The following TAAR1 variants were observed in gnomAD, a reference collection of about 807,000 sequenced individuals.
TAAR1 encodes the protein trace amine-associated receptor 1.
Under a neutral mutation model 1.2 loss-of-function variants are expected in TAAR1, and 1 was observed. That is an observed-to-expected ratio of 0.81 (90% CI 0.29 to 3.86). The LOEUF (loss-of-function observed/expected upper bound fraction) is 3.86. Ranked by LOEUF, TAAR1 falls within the 30% of genes most tolerant of loss-of-function variation. The pLI, the probability that TAAR1 is intolerant of heterozygous loss-of-function variation, is 0.18. For synonymous variants in TAAR1, 153 were observed against 132.2 expected, an observed-to-expected ratio of 1.16 and a Z score of -1.08; for missense variants, 445 against 405.6, an observed-to-expected ratio of 1.10 and a Z score of -0.83.
chr6:132,656,151 C>T (rs1449264227), intron 1 of TAAR1, among the ~76,000 whole-genome samples: 1 of 152,016 alleles, frequency 6.6e-6, no homozygotes, highest in Non-Finnish European at 1.5e-5. Context: ...GCAGTTTCCT[C>T]ATGTGAAAAA....
chr6:132,646,853 T>G (rs1457695600), intron 1 of TAAR1, among the ~76,000 whole-genome samples: 2 of 152,160 alleles, frequency 1.3e-5, no homozygotes, highest in Non-Finnish European at 2.9e-5. Flanking sequence ...CAATTACTAG[T>G]TCAGTTTCTT....
chr6:132,654,448 G>A (rs1422559925), intron 1 of TAAR1, among the ~76,000 whole-genome samples: 1 of 152,046 alleles, frequency 6.6e-6, no homozygotes, highest in Non-Finnish European at 1.5e-5. Flanking sequence ...AGTGTAGTTT[G>A]GTCTCTTCCT....
chr6:132,657,182 G>A (rs1203274034), intron 1 of TAAR1, among the ~76,000 whole-genome samples: 1 of 152,136 alleles, frequency 6.6e-6, no homozygotes, highest in Non-Finnish European at 1.5e-5. Context: ...TATCAGGGGT[G>A]CTGAGGGGCT....
chr6:132,645,320 A>T lies in TAAR1; in HGVS notation c.684T>A (p.Asn228Lys). ...KEQARLISDA[N>K]QKLQIGLEMK... ...TTTCCAATCCAATTTGGAGCTTCTG[A>T]TTGGCATCACTAATTAATCTTGCCT... The change falls in exon 2 of 2, where the codon AAT becomes AAA. Residue 228 changes from asparagine to lysine, a missense_variant. Coordinates refer to ENST00000275216, the MANE Select transcript of TAAR1 (RefSeq NM_138327.4). The T allele has an allele frequency of 6.2e-7, 1 of 1,613,576 alleles. No homozygotes were observed. The highest frequency in any genetic ancestry group is 8.5e-7 in the Non-Finnish European group (1 of 1,179,782).
chr6:132,652,652 C>T (rs1028047780), intron 1 of TAAR1, among the ~76,000 whole-genome samples: 9 of 146,058 alleles, frequency 6.2e-5, no homozygotes, highest in Non-Finnish European at 6.0e-5. Flanking sequence ...CAGAGACATA[C>T]GAGATAAAAG....
At chr6:132,648,332 C>T (rs1175628546) in intron 1 of TAAR1, among the ~76,000 whole-genome samples, 1 of 152,096 alleles carries the variant, frequency 6.6e-6, no homozygotes, top group Non-Finnish European at 1.5e-5. Context: ...TTCCTGATGT[C>T]ATATTGAGTA....
chr6:132,648,365 G>C (rs770820839), intron 1 of TAAR1, among the ~76,000 whole-genome samples: 1 of 152,240 alleles, frequency 6.6e-6, no homozygotes, highest in African/African-American at 2.4e-5. Context: ...AGGAACTAGG[G>C]TTCAAAAAGA....
chr6:132,649,719 C>A (rs1777729903), intron 1 of TAAR1, among the ~76,000 whole-genome samples: 1 of 152,152 alleles, frequency 6.6e-6, no homozygotes, highest in African/African-American at 2.4e-5. Flanking sequence ...AGAACTCACT[C>A]ACTATCATGA....
At chr6:132,655,587 A>G (rs567371228) in intron 1 of TAAR1, among the ~76,000 whole-genome samples, 2 of 152,206 alleles carry the variant, frequency 1.3e-5, no homozygotes, top group African/African-American at 2.4e-5. Context: ...GGCTCCAAGC[A>G]ATCCTCCTGG....
Position 132,645,267 on chromosome 6 carries a change from T to G in TAAR1, c.737A>C (p.Glu246Ala). ...EMKNGISQSKERKAVKTLGIV... is the reference protein window; with the variant it reads ...EMKNGISQSKARKAVKTLGIV... Reference sequence around the variant, plus strand: ...CCCCAATGTCTTCACAGCTTTCCTTTCTTTGCTTTGTGAAATTCCATTTTT... The same window carrying G: ...CCCCAATGTCTTCACAGCTTTCCTTGCTTTGCTTTGTGAAATTCCATTTTT... The change falls in exon 2 of 2, where the codon GAA (glutamate) becomes GCA (alanine). Residue 246 changes from glutamate (E) to alanine (A), a missense_variant. Glu to Ala is a moderately radical substitution (Grantham distance 107). Transcript: ENST00000275216. The G allele has an allele frequency of 1.2e-6, 2 of 1,613,546 alleles. No individual in the cohort carries two copies. The highest frequency in any genetic ancestry group is 1.7e-6 in the Non-Finnish European group (2 of 1,179,594).
In TAAR1 at chr6:132,645,603, T is replaced by C; in HGVS notation, c.401A>G (p.Lys134Arg). The change falls in exon 2 of 2, where the codon AAG becomes AGG. Residue 134 changes from lysine to arginine, a missense_variant. Physicochemically the swap from Lys to Arg is conservative, Grantham distance 26 (BLOSUM62 2). Transcript: ENST00000275216. ...AVCDPLRYKA[K>R]MNILVICVMI... ...CACACAAATAACCAAGATATTCATC[T>C]TGGCTTTATATCTCAGTGGATCACA... 1 of 1,613,724 alleles carries C rather than the reference T, an allele frequency of 6.2e-7. No homozygotes were observed. The highest frequency in any genetic ancestry group is 8.5e-7 in the Non-Finnish European group (1 of 1,179,844).
At chr6:132,646,960 T>A (rs2114274095) in intron 1 of TAAR1, among the ~76,000 whole-genome samples, 1 of 152,244 alleles carries the variant, frequency 6.6e-6, no homozygotes, top group East Asian at 1.9e-4. Flanking sequence ...GAATTTATGA[T>A]GTCTTAAATA....
intron 1 of TAAR1, among the ~76,000 whole-genome samples, chr6:132,647,219 T>C (rs1163181392): frequency 6.6e-6 from 1 of 152,044 alleles, no homozygotes; most frequent in Non-Finnish European, 1.5e-5. Context: ...AGGCATCTTC[T>C]ACTAGGCCTC....
rs371344345 is a variant in TAAR1, at chr6:132,645,890, G to A, written c.114C>T (p.Leu38=). The A allele has an allele frequency of 1.3e-5, 21 of 1,613,834 alleles. No homozygotes were observed. The highest frequency in any genetic ancestry group is 1.7e-5 in the Admixed American group (1 of 59,984). ...AAACAATAACTATCAGATTGCCAAC[G>A]AGTGTGGTCAGAATTATGAGCACCA... ...SLMVLIILTT[L]VGNLIVIVSI... is the part of the protein sequence containing the mutation. The change falls in exon 2 of 2, where the codon CTC becomes CTT. Residue 38 remains leucine (L), a synonymous_variant. Transcript: ENST00000275216.
intron 1 of TAAR1, among the ~76,000 whole-genome samples, chr6:132,646,563 G>A (rs367980292): frequency 1.3e-5 from 2 of 152,090 alleles, no homozygotes; most frequent in African/African-American, 4.8e-5. Flanking sequence ...GAATTAATAC[G>A]CACTATGCCC....
chr6:132,655,373 A>AT (rs1562204863), intron 1 of TAAR1, among the ~76,000 whole-genome samples: 9 of 122,598 alleles, frequency 7.3e-5, no homozygotes, highest in African/African-American at 2.4e-4. Flanking sequence ...AAATTCATTC[A>AT]TTCTTTTTTT....
chr6:132,652,306 C>CTT (rs11458413), intron 1 of TAAR1, among the ~76,000 whole-genome samples: 36,107 of 139,712 alleles, frequency 0.26, 5,308 homozygotes, highest in East Asian at 0.35. Context: ...AGATATTCTG[C>CTT]TTTTTTTTTT....
intron 1 of TAAR1, among the ~76,000 whole-genome samples, chr6:132,652,631 C>T (rs1777761190): frequency 6.9e-6 from 1 of 144,918 alleles, no homozygotes; most frequent in African/African-American, 2.6e-5. Context: ...GGGAAGTCAT[C>T]CTTACTGAAC....
At chr6:132,656,456 A>G (rs1777805106) in intron 1 of TAAR1, among the ~76,000 whole-genome samples, 2 of 152,164 alleles carry the variant, frequency 1.3e-5, no homozygotes, top group Non-Finnish European at 2.9e-5. Flanking sequence ...AAATATATAT[A>G]TAGAAGTAGG....
Sources: allele counts gnomAD v4.1 joint callset (sites outside exome capture counted in the v4.1 genomes callset), GRCh38; gene constraint gnomAD v4.1.1; transcripts MANE v1.5; gene names NCBI Gene and HGNC (gene_info 2026-07-23, HGNC 2026-07-21).